The following SMAD9 variants were observed in gnomAD, a reference collection of about 807,000 sequenced individuals.
SMAD9 encodes the protein MAD homolog 9.
SMAD9 carries 36 observed loss-of-function variants against 46.1 expected under a neutral mutation model. That is an observed-to-expected ratio of 0.78 (90% confidence interval 0.60 to 1.03). The LOEUF (loss-of-function observed/expected upper bound fraction) is 1.03. Among genes scored for constraint, SMAD9 ranks in the 50% least tolerant of loss-of-function variants. The pLI, the probability that SMAD9 is intolerant of heterozygous loss-of-function variation, is 0.00. For missense variants in SMAD9, 572 were observed against 599.8 expected, an observed-to-expected ratio of 0.95 and a Z score of 0.48; for synonymous variants, 245 against 237.1, an observed-to-expected ratio of 1.03 and a Z score of -0.31.
At chr13:36,880,586 C>G (rs1179934738) in intron 1 of SMAD9, among the ~76,000 whole-genome samples, 1 of 152,202 alleles carries the variant, frequency 6.6e-6, no homozygotes, top group Admixed American at 6.5e-5. Flanking sequence ...AAAGTGTGCC[C>G]CAAGGATCCC....
At chr13:36,874,654 G>A (rs1461169107) in intron 2 of SMAD9, among the ~76,000 whole-genome samples, 4 of 151,862 alleles carry the variant, frequency 2.6e-5, no homozygotes, top group Non-Finnish European at 5.9e-5. Flanking sequence ...TCAGGAGATC[G>A]AGACCATCCT....
intron 1 of SMAD9, among the ~76,000 whole-genome samples, chr13:36,887,040 GT>G (rs200264324): frequency 0.012 from 1,250 of 102,460 alleles, 3 homozygotes; most frequent in African/African-American, 0.023. Flanking sequence ...CTTTGAATGG[GT>G]TTTTTTTTTT....
At chr13:36,920,687 CCAA>C (rs2058738978), upstream of SMAD9, 1 of 152,390 alleles carries the variant, frequency 6.6e-6, no homozygotes, top group South Asian at 2.1e-4. Flanking sequence ...AGTTGTCAGC[CCAA>C]CAAGAATATA....
At chr13:36,900,392 T>C (rs2058564197) in intron 1 of SMAD9, among the ~76,000 whole-genome samples, 1 of 152,112 alleles carries the variant, frequency 6.6e-6, no homozygotes, top group African/African-American at 2.4e-5. Flanking sequence ...GTGATTCTCC[T>C]GCCTCAGCCT....
intron 5 of SMAD9, among the ~76,000 whole-genome samples, chr13:36,858,751 C>T (rs1009606326): frequency 6.6e-6 from 1 of 152,168 alleles, no homozygotes; most frequent in African/African-American, 2.4e-5. Flanking sequence ...ATCCACAGCC[C>T]AGAAATAATC....
intron 1 of SMAD9, among the ~76,000 whole-genome samples, chr13:36,919,424 C>T (rs1337220308): frequency 6.6e-6 from 1 of 152,140 alleles, no homozygotes; most frequent in Non-Finnish European, 1.5e-5. Context: ...ACAGTCCAAG[C>T]GCGAGCCCGG....
rs1405963040 is a variant in SMAD9 at position 36,845,038 on chromosome 13, CG to C, written c.*3637del. 6.6e-6 allele frequency: 1 copy of C among 151,844 alleles called. No homozygotes were observed. The highest frequency in any genetic ancestry group is 2.4e-5 in the African/African-American group (1 of 41,322). The allele number at this position is 151,844 out of a possible 1,614,324, so 9.4% of individuals were successfully genotyped here. On this transcript the variant is annotated 3_prime_UTR_variant, in exon 7 of 7. Transcript: ENST00000379826. ...TGTCATACAGTTCTGCTATTAAAAT[CG>C]TAACAGGGAAAGACAAAATGTGAAA... is the stretch of plus-strand genomic sequence containing the variant.
intron 1 of SMAD9, among the ~76,000 whole-genome samples, chr13:36,905,392 T>C (rs2058610694): frequency 6.6e-6 from 1 of 152,178 alleles, no homozygotes; most frequent in Non-Finnish European, 1.5e-5. Flanking sequence ...TAGTTACAGT[T>C]ACTGCCAGAT....
Position 36,879,371 on chromosome 13 carries a change from G to A in SMAD9, c.319C>T (p.Leu107=). The A allele has an allele frequency of 6.2e-7, 1 of 1,614,132 alleles. No individual in the cohort carries two copies. The highest frequency in any genetic ancestry group is 8.5e-7 in the Non-Finnish European group (1 of 1,180,024). ...RWPDLQSHHE[L]KPLECCEFPF... ...AACTCACAGCACTCCAGCGGCTTCAGCTCGTGGTGGGACTGCAGATCCGGC... is the reference window on the plus strand; with the variant it reads ...AACTCACAGCACTCCAGCGGCTTCAACTCGTGGTGGGACTGCAGATCCGGC... Residue 107 remains leucine (L), a synonymous_variant, in exon 2 of 7, where the codon CTG becomes TTG. Coordinates refer to ENST00000379826, the MANE Select transcript of SMAD9 (RefSeq NM_001127217.3).
chr13:36,902,784 A>G (rs2058587441), intron 1 of SMAD9, among the ~76,000 whole-genome samples: 1 of 152,002 alleles, frequency 6.6e-6, no homozygotes, highest in African/African-American at 2.4e-5. Flanking sequence ...GTTGTGTTGT[A>G]TTTTACTTTT....
chr13:36,881,993 C>T (rs754908697), intron 1 of SMAD9, among the ~76,000 whole-genome samples: 8 of 152,160 alleles, frequency 5.3e-5, no homozygotes, highest in Non-Finnish European at 1.2e-4. Context: ...AAACCAAATA[C>T]ACCTTTTAGA....
At chr13:36,854,676 A>G (rs991965057) in intron 5 of SMAD9, among the ~76,000 whole-genome samples, 1 of 152,182 alleles carries the variant, frequency 6.6e-6, no homozygotes, top group Non-Finnish European at 1.5e-5. Flanking sequence ...CCAGCCCACA[A>G]ATTTTAAAAT....
At chr13:36,870,454 G>GT (rs760023707) in intron 3 of SMAD9, among the ~76,000 whole-genome samples, 28 of 152,054 alleles carry the variant, frequency 1.8e-4, no homozygotes, top group Non-Finnish European at 3.5e-4. Context: ...TCACCCTACA[G>GT]TAAGTCCTGT....
chr13:36,855,765 T>A (rs1007590080), intron 5 of SMAD9, among the ~76,000 whole-genome samples: 2 of 152,186 alleles, frequency 1.3e-5, no homozygotes, highest in African/African-American at 4.8e-5. Context: ...TATTTATTGT[T>A]TCCTTTTCCC....
At chr13:36,872,447 A>G (rs565263606) in intron 3 of SMAD9, among the ~76,000 whole-genome samples, 1 of 152,022 alleles carries the variant, frequency 6.6e-6, no homozygotes, top group African/African-American at 2.4e-5. Flanking sequence ...CCAGAGCATT[A>G]GAACTAAAAC....
At chr13:36,852,023 C>T (rs2058078813) in intron 6 of SMAD9, 1 of 977,712 alleles carries the variant, frequency 1.0e-6, no homozygotes, top group Middle Eastern at 5.3e-4. Context: ...TCTAAAGCAA[C>T]AGAACATTTG....
At chr13:36,895,500 G>A (rs1312884637) in intron 1 of SMAD9, among the ~76,000 whole-genome samples, 2 of 152,144 alleles carry the variant, frequency 1.3e-5, no homozygotes, top group African/African-American at 2.4e-5. Context: ...AAATTGTGAT[G>A]ACAACCAAAA....
chr13:36,860,940 G>A (rs1421842125), intron 5 of SMAD9, among the ~76,000 whole-genome samples: 2 of 152,190 alleles, frequency 1.3e-5, no homozygotes, highest in Non-Finnish European at 2.9e-5. Context: ...TGACATTTAA[G>A]TGGTAGCTTT....
At chr13:36,909,718 T>C (rs1429248920) in intron 1 of SMAD9, among the ~76,000 whole-genome samples, 4 of 152,242 alleles carry the variant, frequency 2.6e-5, no homozygotes, top group Non-Finnish European at 4.4e-5. Context: ...ACTTCCATAT[T>C]GTTTCCTCCT....
Sources: allele counts gnomAD v4.1 joint callset (sites outside exome capture counted in the v4.1 genomes callset), GRCh38; gene constraint gnomAD v4.1.1; transcripts MANE v1.5; gene names NCBI Gene and HGNC (gene_info 2026-07-23, HGNC 2026-07-21).